Variants in IMPA1 observed in about 807,000 individuals in gnomAD.
IMPA1 encodes inositol monophosphatase 1.
Under a neutral mutation model 34.9 loss-of-function variants are expected in IMPA1, and 21 were observed. The ratio of observed to expected loss-of-function variants is 0.60; its 90% CI spans 0.43 to 0.87. IMPA1 has a LOEUF of 0.87. Ranked by LOEUF, IMPA1 falls within the 40% of genes least tolerant of loss-of-function variation. The probability of loss-of-function intolerance (pLI) is 0.00; values close to 1 mark genes in which losing one functional copy is unlikely to be tolerated. For missense variants in IMPA1, 299 were observed against 336.4 expected (o/e 0.89, Z 0.87); for synonymous variants, 95 against 104.4 (o/e 0.91, Z 0.55).
chr8:81,682,372 C>G (rs904506291), intron 1 of IMPA1, among the ~76,000 whole-genome samples: 2 of 152,062 alleles, frequency 1.3e-5, no homozygotes, highest in East Asian at 3.9e-4. Flanking sequence ...TATAAAACAA[C>G]CCTAATTTTG....
At chr8:81,663,506 T>C (rs1406416390) in intron 7 of IMPA1, among the ~76,000 whole-genome samples, 1 of 152,218 alleles carries the variant, frequency 6.6e-6, no homozygotes, top group East Asian at 1.9e-4. Context: ...AGCTGTGCGA[T>C]CTCAAGCAGC....
chr8:81,666,928 T>G (rs1365565028), intron 7 of IMPA1, among the ~76,000 whole-genome samples: 1 of 138,648 alleles, frequency 7.2e-6, no homozygotes, highest in African/African-American at 2.7e-5. Flanking sequence ...TCAAAGTAAA[T>G]TTCAAGCACA....
rs1387828142 is a variant in IMPA1 at position 81,659,119 on chromosome 8, G to C, written c.*232C>G. The C allele has an allele frequency of 3.9e-6, 2 of 511,454 alleles. No homozygotes were observed. The highest frequency in any genetic ancestry group is 6.9e-6 in the Non-Finnish European group (2 of 289,864). 31.7% of individuals were successfully genotyped at this position (511,454 alleles called of 1,614,324 possible). A position where few individuals can be genotyped will look rare whatever the true frequency, so the allele number is the denominator to read the frequency against. On this transcript the variant is annotated 3_prime_UTR_variant, in exon 9 of 9. Transcript: ENST00000256108. ...GTTATATTTATCAACTGTACTTCCT[G>C]GGTATGTTTCCTAAAGTACATTCTT...
rs1250885957 is a variant in IMPA1 at position 81,681,579 on chromosome 8, A to C, written c.-19T>G. ...CAGCCATCTTCTGAAAATATTTGAC[A>C]AATATCTGTACAAAGTAGTTATAAC... On this transcript the variant is annotated 5_prime_UTR_variant, in exon 2 of 9. Coordinates refer to ENST00000256108, the MANE Select transcript of IMPA1 (RefSeq NM_005536.4). 2.5e-6 allele frequency: 4 copies of C among 1,572,376 alleles called. No individual in the cohort carries two copies. The highest frequency in any genetic ancestry group is 3.5e-6 in the Non-Finnish European group (4 of 1,142,434).
chr8:81,661,053 G>A (rs537454884), intron 7 of IMPA1, among the ~76,000 whole-genome samples: 1 of 152,186 alleles, frequency 6.6e-6, no homozygotes, highest in African/African-American at 2.4e-5. Flanking sequence ...TCTCTAGGAG[G>A]TGTAAAATAT....
At chr8:81,684,557 A>ATATGTAT (rs1807423046) in intron 1 of IMPA1, among the ~76,000 whole-genome samples, 1 of 109,980 alleles carries the variant, frequency 9.1e-6, no homozygotes, top group Non-Finnish European at 1.8e-5. Context: ...ATCTTTAGAT[A>ATATGTAT]CTAATGTGTA....
rs1806559084 is a variant in IMPA1, at chr8:81,657,811, G to A, written c.*1540C>T. 1 of 152,224 alleles carries A rather than the reference G, an allele frequency of 6.6e-6. No individual in the cohort carries two copies. The highest frequency in any genetic ancestry group is 2.4e-5 in the African/African-American group (1 of 41,516). 9.4% of individuals were successfully genotyped at this position (152,224 alleles called of 1,614,324 possible). A position where few individuals can be genotyped will look rare whatever the true frequency, so the allele number is the denominator to read the frequency against. On this transcript the variant is annotated 3_prime_UTR_variant, in exon 9 of 9. Coordinates refer to ENST00000256108, the MANE Select transcript of IMPA1 (RefSeq NM_005536.4). ...CCAGCTACTCAGGAGACTGAAAGAG[G>A]AGGATCACTTGAGCCCAGGAATTTA... is the stretch of plus-strand genomic sequence containing the variant.
chr8:81,671,880 G>C (rs1806998121), intron 6 of IMPA1, among the ~76,000 whole-genome samples: 1 of 152,146 alleles, frequency 6.6e-6, no homozygotes, highest in African/African-American at 2.4e-5. Flanking sequence ...CTGGGCAACA[G>C]AGCAAGACTC....
intron 5 of IMPA1, chr8:81,674,704 T>C (rs1162556329): frequency 1.0e-5 from 4 of 399,306 alleles, no homozygotes; most frequent in Non-Finnish European, 2.0e-5. Context: ...GCTTTTTTCT[T>C]CCTTCTCCCA....
At chr8:81,674,779 C>T (rs1807083557) in intron 5 of IMPA1, 1 of 455,060 alleles carries the variant, frequency 2.2e-6, no homozygotes, top group African/African-American at 2.0e-5. Context: ...TCCACAAATT[C>T]ATTTTGGCTC....
At chr8:81,677,708 C>T (rs919936870) in intron 4 of IMPA1, among the ~76,000 whole-genome samples, 4 of 152,192 alleles carry the variant, frequency 2.6e-5, no homozygotes, top group Admixed American at 6.5e-5. Context: ...ATACTATACA[C>T]ACTGTATTGT....
Position 81,680,720 on chromosome 8 carries a change from C to G in IMPA1, c.127G>C (p.Val43Leu), listed in dbSNP as rs559160169. Residue 43 changes from valine to leucine, a missense_variant, in exon 3 of 9, where the codon GTA (valine) becomes CTA (leucine). Transcript: ENST00000256108. The stretch of plus-strand genomic sequence containing the variant: ...TCAACTTTTTGGTCCGTAGCAGTTA[C>G]CAAATCAACTGGAGAACTTTTCAGC... ...VMLKSSPVDLVTATDQKVEKM... is the reference protein window; with the variant it reads ...VMLKSSPVDLLTATDQKVEKM... 6.2e-7 allele frequency: 1 copy of G among 1,611,750 alleles called. No individual in the cohort carries two copies. Among genetic ancestry groups the G allele is most frequent in the South Asian group, 1.1e-5 (1 of 91,008 alleles).
intron 1 of IMPA1, among the ~76,000 whole-genome samples, chr8:81,684,616 A>T (rs1807434833): frequency 7.8e-6 from 1 of 127,484 alleles, no homozygotes; most frequent in Non-Finnish European, 1.6e-5. Flanking sequence ...TCTAGTATAT[A>T]TATACTACAC....
chr8:81,678,628 G>T (rs1019754132), intron 4 of IMPA1: 1 of 188,442 alleles, frequency 5.3e-6, no homozygotes, highest in East Asian at 1.9e-4. Context: ...GGAGGTGGGG[G>T]TTGCAGTGAG....
At position 81,668,064 on chromosome 8, in the gene IMPA1, C is replaced by G. The variant is rs182593785; in HGVS notation, c.566+2875G>C. Among the ~76,000 whole-genome samples, 899 of 152,232 alleles carry G rather than the reference C, an allele frequency of 5.9e-3. 20 individuals carry two copies. Among genetic ancestry groups the G allele is most frequent in the East Asian group, 0.034 (175 of 5,174 alleles). ...GGTCTCGATCTCCTGACCTCGTGAT[C>G]CACCTGCCTCAGCCTCTCAAAGTGC... On this transcript the variant is annotated intron_variant, in intron 7 of 8. Transcript: ENST00000256108.
At chr8:81,667,162 A>AGT (rs1165966247) in intron 7 of IMPA1, among the ~76,000 whole-genome samples, 1 of 152,162 alleles carries the variant, frequency 6.6e-6, no homozygotes, top group African/African-American at 2.4e-5. Context: ...TTTTGGCTAT[A>AGT]TACTGAATGT....
intron 7 of IMPA1, among the ~76,000 whole-genome samples, chr8:81,661,286 G>C (rs1806665802): frequency 6.6e-6 from 1 of 152,132 alleles, no homozygotes; most frequent in African/African-American, 2.4e-5. Flanking sequence ...AAAATTAATG[G>C]GTGAGTCTGA....
intron 7 of IMPA1, among the ~76,000 whole-genome samples, chr8:81,670,057 G>C (rs1240371479): frequency 6.6e-6 from 1 of 152,098 alleles, no homozygotes; most frequent in East Asian, 1.9e-4. Context: ...CCTCAGCCTT[G>C]GGCTTCTGAG....
chr8:81,669,250 C>A (rs573499289), intron 7 of IMPA1, among the ~76,000 whole-genome samples: 48 of 152,096 alleles, frequency 3.2e-4, no homozygotes, highest in Admixed American at 8.5e-4. Flanking sequence ...ACTAGTGGAG[C>A]CATGAAAGCA....
Sources: allele counts gnomAD v4.1 joint callset (sites outside exome capture counted in the v4.1 genomes callset), GRCh38; gene constraint gnomAD v4.1.1; transcripts MANE v1.5; gene names NCBI Gene and HGNC (gene_info 2026-07-23, HGNC 2026-07-21).